CHLSN: variants seen among roughly 807,000 people sequenced by gnomAD.
CHLSN encodes cholesin, also known as protein cholesin.
At chr7:1,093,391 G>GT in the CHLSN span, 1 of 447,646 alleles carries the variant, frequency 2.2e-6, no homozygotes, top group African/African-American at 2.0e-5. Context: ...GAGTTAAAGA[G>GT]GAGAAGGAAA....
At chr7:1,008,858 C>CGTAA in the CHLSN span, among the ~76,000 whole-genome samples, 1 of 150,778 alleles carries the variant, frequency 6.6e-6, no homozygotes, top group Admixed American at 6.6e-5. Context: ...CACGTAAACA[C>CGTAA]ACGCACACAC....
At chr7:1,031,134 A>T in the CHLSN span, among the ~76,000 whole-genome samples, 2 of 152,190 alleles carry the variant, frequency 1.3e-5, no homozygotes, top group African/African-American at 4.8e-5. Flanking sequence ...GAGGAAAGGA[A>T]GGGCCCCCAG....
At chr7:1,016,758 CCAGCGCA>C in the CHLSN span, among the ~76,000 whole-genome samples, 603 of 100,590 alleles carry the variant, frequency 6.0e-3, 41 homozygotes, top group African/African-American at 0.028. Flanking sequence ...GCAGCACACG[CCAGCGCA>C]CAGCGCACAG....
At chr7:1,038,170 C>A in the CHLSN span, among the ~76,000 whole-genome samples, 1 of 104,078 alleles carries the variant, frequency 9.6e-6, no homozygotes, top group African/African-American at 3.5e-5. Context: ...GGGGTCAACC[C>A]CCCGCCCGGC....
chr7:1,091,763 T>C, the CHLSN span: 1 of 1,554,622 alleles, frequency 6.4e-7, no homozygotes, highest in East Asian at 2.3e-5. Context: ...GGCGTGGGCC[T>C]GGAGATGTAC....
the CHLSN span, among the ~76,000 whole-genome samples, chr7:1,049,390 C>T: frequency 1.3e-5 from 2 of 152,354 alleles, no homozygotes; most frequent in African/African-American, 2.4e-5. Context: ...ACTTAACCCT[C>T]CTGTCTCATG....
chr7:1,118,008 T>A, the CHLSN span, among the ~76,000 whole-genome samples: 1 of 152,202 alleles, frequency 6.6e-6, no homozygotes, highest in Non-Finnish European at 1.5e-5. Context: ...GCTACGGGAA[T>A]GCTGCCAGTG....
chr7:1,048,694 C>T, the CHLSN span, among the ~76,000 whole-genome samples: 2 of 152,154 alleles, frequency 1.3e-5, no homozygotes, highest in African/African-American at 2.4e-5. Context: ...AGAAAGATGC[C>T]AACGTCTCAC....
At chr7:1,088,760 T>C in the CHLSN span, among the ~76,000 whole-genome samples, 1 of 152,098 alleles carries the variant, frequency 6.6e-6, no homozygotes, top group African/African-American at 2.4e-5. The surrounding 1 kb of genome is among the most constrained non-coding windows in gnomAD (Gnocchi z 4.5). Flanking sequence ...TATTTCTCTA[T>C]GACAAGCAGA....
chr7:1,000,343 C>A, the CHLSN span: 1 of 763,872 alleles, frequency 1.3e-6, no homozygotes, highest in South Asian at 1.8e-5. Context: ...GCCGTGCACA[C>A]ACCTCAGCCC....
At chr7:1,010,429 G>A in the CHLSN span, among the ~76,000 whole-genome samples, 3 of 152,182 alleles carry the variant, frequency 2.0e-5, no homozygotes, top group Non-Finnish European at 2.9e-5. Flanking sequence ...ACAGACTCCC[G>A]GCTCCCGAGG....
the CHLSN span, among the ~76,000 whole-genome samples, chr7:1,007,379 T>C: frequency 5.0e-4 from 76 of 152,248 alleles, no homozygotes; most frequent in African/African-American, 1.8e-3. Flanking sequence ...GGGGGCTCTG[T>C]GGTGGGCCAG....
chr7:986,601 C>T, the CHLSN span: 444 of 1,611,764 alleles, frequency 2.8e-4, 3 homozygotes, highest in African/African-American at 5.2e-3. Context: ...TCCTTATCTC[C>T]GCTCCTCCTG....
At chr7:1,033,329 G>A in the CHLSN span, among the ~76,000 whole-genome samples, 13 of 152,124 alleles carry the variant, frequency 8.5e-5, no homozygotes, top group Admixed American at 7.9e-4. Flanking sequence ...AGGCTGAGGC[G>A]GGCGGATCAC....
the CHLSN span, among the ~76,000 whole-genome samples, chr7:1,110,736 G>A: frequency 6.6e-6 from 1 of 152,042 alleles, no homozygotes; most frequent in South Asian, 2.1e-4. Context: ...GAAACATGAA[G>A]GATAGATAAA....
the CHLSN span, among the ~76,000 whole-genome samples, chr7:1,051,852 C>A: frequency 6.6e-6 from 1 of 152,158 alleles, no homozygotes; most frequent in African/African-American, 2.4e-5. Flanking sequence ...GTGGCACATG[C>A]CTGTAGTCCC....
At chr7:991,498 C>G in the CHLSN span, among the ~76,000 whole-genome samples, 4 of 152,092 alleles carry the variant, frequency 2.6e-5, no homozygotes, top group African/African-American at 7.2e-5. Flanking sequence ...AAGGGGGGGG[C>G]CGAGTGAGAC....
the CHLSN span, chr7:986,957 G>T: frequency 7.6e-7 from 1 of 1,314,172 alleles, no homozygotes; most frequent in Non-Finnish European, 1.0e-6. Context: ...TGTGAAACGG[G>T]GCATCCATAG....
the CHLSN span, among the ~76,000 whole-genome samples, chr7:1,010,852 C>G: frequency 6.6e-6 from 1 of 152,174 alleles, no homozygotes; most frequent in Admixed American, 6.5e-5. Context: ...CCACATGCTT[C>G]GTCTTTTTTG....
Sources: allele counts gnomAD v4.1 joint callset (sites outside exome capture counted in the v4.1 genomes callset), GRCh38; gene constraint gnomAD v4.1.1; non-coding constraint Gnocchi (gnomAD v3.1); transcripts MANE v1.5; gene names NCBI Gene and HGNC (gene_info 2026-07-23, HGNC 2026-07-21).